JMJD1C: variants seen among roughly 807,000 people sequenced by gnomAD.
The protein encoded by JMJD1C is jumonji domain containing 1C.
Under a neutral mutation model 245.3 loss-of-function variants are expected in JMJD1C, and 31 were observed. That is an observed-to-expected ratio of 0.13 (90% CI 0.09 to 0.17). JMJD1C has a LOEUF of 0.17. Among genes scored for constraint, JMJD1C ranks in the 10% least tolerant of loss-of-function variants. The pLI, the probability that JMJD1C is intolerant of heterozygous loss-of-function variation, is 1.00. For synonymous variants in JMJD1C, 1,057 were observed against 1,017.4 expected, an observed-to-expected ratio of 1.04 and a Z score of -0.74; for missense variants, 2,691 against 3,000.2, an observed-to-expected ratio of 0.90 and a Z score of 2.41.
chr10:63,191,802 T>C (rs982991781), intron 16 of JMJD1C, among the ~76,000 whole-genome samples: 3 of 151,382 alleles, frequency 2.0e-5, no homozygotes. Flanking sequence ...CTGGCCAACA[T>C]GCTGAAACCC....
At chr10:63,362,535 A>G (rs908659327) in intron 2 of JMJD1C, among the ~76,000 whole-genome samples, 6 of 152,064 alleles carry the variant, frequency 3.9e-5, no homozygotes, top group Middle Eastern at 3.4e-3. Context: ...GCTGGGGTGC[A>G]GTGGCACAAT....
chr10:63,271,428 T>G (rs1216547290), intron 2 of JMJD1C, among the ~76,000 whole-genome samples: 1 of 152,156 alleles, frequency 6.6e-6, no homozygotes, highest in Non-Finnish European at 1.5e-5. Context: ...TCCACCGATC[T>G]CAGCCTCTCA....
In JMJD1C at chr10:63,217,214, T is replaced by C; in HGVS notation, c.671A>G (p.Asn224Ser). 6.2e-7 allele frequency: 1 copy of C among 1,608,862 alleles called. No homozygotes were observed. Among genetic ancestry groups the C allele is most frequent in the South Asian group, 1.1e-5 (1 of 89,718 alleles). Reference protein sequence around the residue: ...DLFTRTMIVMNDQVLEPQNVD... With the variant: ...DLFTRTMIVMSDQVLEPQNVD... ...ATTAGTGGAACTATTTACCTGATCA[T>C]TCATAACGATCATGGTGCGGGTGAA... Residue 224 changes from asparagine to serine, a missense_variant, in exon 5 of 26, where the codon AAT (asparagine) becomes AGT (serine). Physicochemically the swap from Asn to Ser is conservative, Grantham distance 46. Coordinates refer to ENST00000399262, the MANE Select transcript of JMJD1C (RefSeq NM_032776.3).
At chr10:63,192,879 T>G in intron 16 of JMJD1C, 59 bp downstream of exon 16, 2 of 1,229,186 alleles carry the variant, frequency 1.6e-6, no homozygotes, top group Non-Finnish European at 2.4e-6. Flanking sequence ...CAATAGTACA[T>G]TGTTGGTTAG....
intron 2 of JMJD1C, among the ~76,000 whole-genome samples, chr10:63,273,057 C>T (rs904567122): frequency 3.9e-5 from 6 of 152,172 alleles, no homozygotes; most frequent in Non-Finnish European, 8.8e-5. Flanking sequence ...AAGTATTTCA[C>T]ACTACATCAT....
chr10:63,399,070 C>T (rs1564878790), intron 1 of JMJD1C, among the ~76,000 whole-genome samples: 1 of 152,212 alleles, frequency 6.6e-6, no homozygotes, highest in East Asian at 1.9e-4. Flanking sequence ...TCCTGACTTC[C>T]CTGAACAGTA....
intron 1 of JMJD1C, among the ~76,000 whole-genome samples, chr10:63,514,402 A>C (rs1251831642): frequency 6.6e-6 from 1 of 152,234 alleles, no homozygotes; most frequent in Non-Finnish European, 1.5e-5. Context: ...GGATTGGATA[A>C]AGAAAATGTA....
intron 2 of JMJD1C, among the ~76,000 whole-genome samples, chr10:63,375,663 G>C (rs995726467): frequency 2.0e-5 from 3 of 151,926 alleles, no homozygotes; most frequent in Non-Finnish European, 2.9e-5. Context: ...CAATCCTTCA[G>C]ACTTAGCCTC....
rs1421458120 is a variant in JMJD1C, at chr10:63,325,042, C to A, written c.333+55276G>T. ...ATATATAGTCTAATTCTTAATATTA[C>A]AAACTCAGATATCTGATTTTGTAAG... On this transcript the variant is annotated intron_variant, in intron 2 of 25. Coordinates refer to ENST00000399262, the MANE Select transcript of JMJD1C (RefSeq NM_032776.3). Among the ~76,000 whole-genome samples, 4 of 152,146 alleles carry A rather than the reference C, an allele frequency of 2.6e-5. No individual in the cohort carries two copies. The South Asian group carries it at 8.3e-4, about 31-fold the overall frequency.
intron 1 of JMJD1C, among the ~76,000 whole-genome samples, chr10:63,398,059 T>C (rs1357160863): frequency 6.6e-6 from 1 of 152,196 alleles, no homozygotes; most frequent in Non-Finnish European, 1.5e-5. Flanking sequence ...TCAACAATTC[T>C]CAACTCATGG....
intron 2 of JMJD1C, among the ~76,000 whole-genome samples, chr10:63,334,138 TC>T (rs1316841392): frequency 6.6e-6 from 1 of 152,208 alleles, no homozygotes; most frequent in Non-Finnish European, 1.5e-5. Flanking sequence ...ACTCCATTAT[TC>T]TTCAGCATGT....
intron 4 of JMJD1C, chr10:63,217,559 AAG>A: frequency 3.3e-6 from 1 of 299,244 alleles, no homozygotes; most frequent in South Asian, 9.8e-5. Context: ...AAAATACTTT[AAG>A]AGAGAAGGAA....
chr10:63,209,753 C>T (rs1340574368), intron 8 of JMJD1C, among the ~76,000 whole-genome samples: 1 of 152,292 alleles, frequency 6.6e-6, no homozygotes, highest in Non-Finnish European at 1.5e-5. Flanking sequence ...CCCCATTTCA[C>T]TCTAAGCTAT....
chr10:63,241,744 A>T (rs2133510275), intron 3 of JMJD1C, among the ~76,000 whole-genome samples: 1 of 152,278 alleles, frequency 6.6e-6, no homozygotes, highest in South Asian at 2.1e-4. Context: ...AATATGCTAA[A>T]CAGTTATTTT....
chr10:63,208,242 G>A lies in JMJD1C; in HGVS notation c.3427C>T (p.Leu1143Phe), dbSNP rs376656512. 20 of 1,613,880 alleles carry A rather than the reference G, an allele frequency of 1.2e-5. No homozygotes were observed. The East Asian group carries it at 3.3e-4, about 27-fold the overall frequency. The change falls in exon 10 of 26, where the codon CTT becomes TTT. Residue 1143 changes from leucine (L) to phenylalanine (F), a missense_variant. This residue lies in a region of JMJD1C where 1,562 missense variants were observed against 1,490.7 expected (regional missense o/e 1.05). Coordinates refer to ENST00000399262, the MANE Select transcript of JMJD1C (RefSeq NM_032776.3). The stretch of plus-strand genomic sequence containing the variant: ...TTAATCAAAGGTGGAGGCTTTGAAA[G>A]AGATGTTATAAATGAAGTCAGAGTT... ...PQTLTSFITS[L>F]SKPPPLIKHQ... is the part of the protein sequence containing the mutation.
At chr10:63,372,740 T>A (rs1946409551) in intron 2 of JMJD1C, among the ~76,000 whole-genome samples, 1 of 152,192 alleles carries the variant, frequency 6.6e-6, no homozygotes, top group Non-Finnish European at 1.5e-5. Flanking sequence ...ATGACTCCTG[T>A]CCTCAAAGAA....
chr10:63,300,549 T>C (rs918592379), intron 2 of JMJD1C, among the ~76,000 whole-genome samples: 3 of 152,186 alleles, frequency 2.0e-5, no homozygotes, highest in Non-Finnish European at 4.4e-5. Context: ...CTTCATATCA[T>C]GTGAACAGCA....
intron 10 of JMJD1C, chr10:63,203,855 C>T: frequency 2.0e-6 from 2 of 981,356 alleles, no homozygotes; most frequent in Non-Finnish European, 2.4e-6. Flanking sequence ...GTAAGCCTAA[C>T]TCATTCTTTT....
In JMJD1C at chr10:63,213,695, G is replaced by A. The variant is rs1050205355; in HGVS notation, c.2472C>T (p.Ser824=). ...GTTGCTGGTGTGCTAGCGCTAAGTG[G>A]CTCAAGCTGCTGGCATGAGCACTCT... is the stretch of plus-strand genomic sequence containing the variant. ...RLESAHASSL[S]HLALAHQQQQ... is the part of the protein sequence containing the mutation. Residue 824 remains serine, a synonymous_variant, in exon 8 of 26, where the codon AGC becomes AGT. Transcript: ENST00000399262. 3 of 1,614,202 alleles carry A rather than the reference G, an allele frequency of 1.9e-6. No individual in the cohort carries two copies. The highest frequency in any genetic ancestry group is 2.5e-6 in the Non-Finnish European group (3 of 1,180,038).
Sources: gnomAD v4.1 joint callset for allele counts (sites outside exome capture counted in the v4.1 genomes callset) on GRCh38, gnomAD v4.1.1 for gene constraint, gnomAD v4.1.1 regional missense constraint, MANE v1.5 for transcripts, NCBI Gene and HGNC (gene_info 2026-07-23, HGNC 2026-07-21) for gene names.